Variants in DHX37 observed in about 807,000 individuals in gnomAD.
DHX37 encodes the protein DEAH-box helicase 37.
DHX37 carries 52 observed loss-of-function variants against 134.3 expected under a neutral mutation model. The observed-to-expected ratio is 0.39, with a 90% CI of 0.31 to 0.49. DHX37 has a LOEUF of 0.49. DHX37 is among the 20% of genes least tolerant of loss of function. The pLI is 0.93. For missense variants in DHX37, 1,344 were observed against 1,580.8 expected (o/e 0.85, Z 2.54); for synonymous variants, 634 against 670.7 (o/e 0.95, Z 0.85).
intron 15 of DHX37, among the ~76,000 whole-genome samples, chr12:124,961,344 ACAC>A (rs1223458214): frequency 1.3e-5 from 2 of 152,180 alleles, no homozygotes; most frequent in African/African-American, 4.8e-5. Flanking sequence ...GCACACACAC[ACAC>A]AATTACAGCA....
chr12:124,967,255 C>T (rs1381755601), intron 10 of DHX37, 37 bp from the exon 11 acceptor site: 2 of 1,600,998 alleles, frequency 1.2e-6, no homozygotes, highest in Non-Finnish European at 1.7e-6. Context: ...ATCCATCAGT[C>T]ACTCACAAAC....
intron 15 of DHX37, among the ~76,000 whole-genome samples, chr12:124,961,252 GC>G (rs1954248044): frequency 1.9e-5 from 2 of 106,824 alleles, no homozygotes; most frequent in African/African-American, 1.4e-4. Flanking sequence ...ACGCGTGCAC[GC>G]ACGCACACAC....
intron 18 of DHX37, among the ~76,000 whole-genome samples, chr12:124,955,387 C>T (rs1954071853): frequency 6.6e-6 from 1 of 152,244 alleles, no homozygotes; most frequent in African/African-American, 2.4e-5. Context: ...GAAACTGACA[C>T]CACTTTCTGT....
In DHX37 at chr12:124,956,854, G is replaced by T; in HGVS notation, c.2290C>A (p.Leu764Met). The T allele has an allele frequency of 6.3e-7, 1 of 1,599,668 alleles. No homozygotes were observed. The highest frequency in any genetic ancestry group is 8.5e-7 in the Non-Finnish European group (1 of 1,169,598). ...CCCAGCGCAGTGATGGGGCAGCTCA[G>T]CCGGTTCTCCTGCAGTTGCTTCACC... ...ERVKQLQENR[L>M]SCPITALGRT... Residue 764 changes from leucine (L) to methionine (M), a missense_variant, in exon 18 of 27, where the codon CTG (leucine) becomes ATG (methionine). Leu to Met is a conservative substitution (Grantham distance 15). Coordinates refer to ENST00000308736, the MANE Select transcript of DHX37 (RefSeq NM_032656.4).
chr12:124,951,157 T>C (rs757093883), intron 21 of DHX37, among the ~76,000 whole-genome samples: 39 of 152,104 alleles, frequency 2.6e-4, no homozygotes, highest in Non-Finnish European at 5.0e-4. Flanking sequence ...GGCACACACC[T>C]GTAATCCCAG....
intron 15 of DHX37, among the ~76,000 whole-genome samples, chr12:124,961,230 A>ACACACACACACGCGTGCACGCACG (rs1566332248): frequency 1.8e-5 from 2 of 111,772 alleles, no homozygotes; most frequent in African/African-American, 1.0e-4. Flanking sequence ...ACACGCACGC[A>ACACACACACACGCGTGCACGCACG]CACACACATA....
chr12:124,952,803 G>T lies in DHX37; in HGVS notation c.2696-233C>A, dbSNP rs550104091. 6.2e-5 allele frequency: 23 copies of T among 368,188 alleles called. 1 individual carries two copies. In the East Asian group the frequency reaches 7.9e-4, roughly 13 times the overall value. The allele number at this position is 368,188 out of a possible 1,614,324, so 22.8% of individuals were successfully genotyped here. On this transcript the variant is annotated intron_variant, in intron 20 of 26. Transcript: ENST00000308736. ...CAAAGCCCCACATCCTGCCTGGGCA[G>T]CAGAGCATTCTTCGAGGAGACAGCC...
At position 124,967,686 on chromosome 12, in the gene DHX37, G is replaced by A. The variant is rs141048377; in HGVS notation, c.1409-468C>T. 6.6e-5 allele frequency among the ~76,000 whole-genome samples: 10 copies of A among 152,302 alleles called. No homozygotes were observed. In the South Asian group the frequency reaches 8.3e-4, roughly 13 times the overall value. On this transcript the variant is annotated intron_variant, in intron 10 of 26. Coordinates refer to ENST00000308736, the MANE Select transcript of DHX37 (RefSeq NM_032656.4). ...AGCAACCTCGGCTTCCTTGAAGGACGAGGTCAAGCTTGTTGGGAAGCACCC... is the reference window on the plus strand; with the variant it reads ...AGCAACCTCGGCTTCCTTGAAGGACAAGGTCAAGCTTGTTGGGAAGCACCC...
At chr12:124,986,351 C>T in intron 1 of DHX37, 86 bp from the exon 2 acceptor site, 4 of 1,454,548 alleles carry the variant, frequency 2.7e-6, no homozygotes, top group African/African-American at 1.4e-5. Context: ...TGCATGGGGG[C>T]CTCCTGAGTC....
rs781061528 is a variant in DHX37, at chr12:124,989,052, G to A, written c.-30C>T. 1.3e-5 allele frequency: 17 copies of A among 1,313,780 alleles called. No homozygotes were observed. Among genetic ancestry groups the A allele is most frequent in the Admixed American group, 3.7e-5 (1 of 26,780 alleles). 81.4% of individuals were successfully genotyped at this position (1,313,780 alleles called of 1,614,324 possible). ...ACTAGGCCAGGGTGGGCGCTCCAGC[G>A]GCCGGACCAGCAGAGCAATCCGAAA... On this transcript the variant is annotated 5_prime_UTR_variant, in exon 1 of 27. Transcript: ENST00000308736.
At chr12:124,963,917 G>A (rs10846787) in intron 15 of DHX37, among the ~76,000 whole-genome samples, 31,076 of 145,810 alleles carry the variant, frequency 0.21, 4,258 homozygotes, top group East Asian at 0.57. Flanking sequence ...AACAGTGCGA[G>A]TAGGCCAGGC....
chr12:124,956,623 G>A, intron 18 of DHX37, 68 bp downstream of exon 18: 1 of 1,462,674 alleles, frequency 6.8e-7, no homozygotes, highest in Non-Finnish European at 9.1e-7. Flanking sequence ...TGAGTAGCTG[G>A]GACTCTCAGC....
chr12:124,981,541 C>T (rs995716045), intron 3 of DHX37, among the ~76,000 whole-genome samples: 1 of 151,992 alleles, frequency 6.6e-6, no homozygotes, highest in South Asian at 2.1e-4. Context: ...CTCAGGTGAT[C>T]CTCCCACCTC....
chr12:124,948,007 C>A (rs115234536), intron 26 of DHX37, 77 bp downstream of exon 26: 3 of 1,613,636 alleles, frequency 1.9e-6, no homozygotes, highest in Non-Finnish European at 2.5e-6. Flanking sequence ...CAGGGCTGAC[C>A]GTGCACAAAG....
chr12:124,977,151 T>C (rs550299174), intron 5 of DHX37, among the ~76,000 whole-genome samples, 191 bp downstream of exon 5: 10 of 152,288 alleles, frequency 6.6e-5, no homozygotes, highest in Admixed American at 6.5e-4. Context: ...ACGACAACCT[T>C]GTGAAGTAGG....
At position 124,949,885 on chromosome 12, in the gene DHX37, A is replaced by T; in HGVS notation, c.3290+101T>A. 7.8e-7 allele frequency: 1 copy of T among 1,285,242 alleles called. No individual in the cohort carries two copies. Among genetic ancestry groups the T allele is most frequent in the Non-Finnish European group, 1.1e-6 (1 of 923,962 alleles). The allele number at this position is 1,285,242 out of a possible 1,614,324, so 79.6% of individuals were successfully genotyped here. The stretch of plus-strand genomic sequence containing the variant: ...CCTGAGCACAGACTTCTGATGTTTT[A>T]AGCCTCCCTGTGTGTGGTGCTTTGT... On this transcript the variant is annotated intron_variant, in intron 25 of 26. Coordinates refer to ENST00000308736, the MANE Select transcript of DHX37 (RefSeq NM_032656.4). This position sits in a 1 kb window ranked among gnomAD's most constrained non-coding sequence, Gnocchi z 4.0.
chr12:124,976,265 C>T (rs945117549), intron 5 of DHX37, among the ~76,000 whole-genome samples: 4 of 152,232 alleles, frequency 2.6e-5, no homozygotes, highest in African/African-American at 9.6e-5. Flanking sequence ...CTGCCCTCTG[C>T]TGATCGCGTC....
In DHX37 at chr12:124,968,939, CA is replaced by C; in HGVS notation, c.1220del (p.Met407SerfsTer33). ...AGTCCTCCACCCGCAGCGTGGCCGA[CA>C]TGATGAGCAGCTTGAGTGGCAGGTT... Reference protein sequence around the residue: ...KRNLPLKLLIMSATLRVEDFT... With the variant: ...KRNLPLKLLIXSATLRVEDFT... On this transcript the variant is annotated frameshift_variant, in exon 9 of 27. Coordinates refer to ENST00000308736, the MANE Select transcript of DHX37 (RefSeq NM_032656.4). LOFTEE classifies it high-confidence loss of function. The C allele has an allele frequency of 6.2e-7, 1 of 1,614,122 alleles. No homozygotes were observed. Among genetic ancestry groups the C allele is most frequent in the Non-Finnish European group, 8.5e-7 (1 of 1,180,034 alleles).
chr12:124,964,737 G>A (rs1259431401), intron 14 of DHX37, 111 bp from the exon 15 acceptor site: 3 of 1,516,454 alleles, frequency 2.0e-6, no homozygotes, highest in Non-Finnish European at 2.6e-6. Flanking sequence ...ACGTAGCAAG[G>A]ACAAGCCATC....
Sources: allele counts gnomAD v4.1 joint callset (sites outside exome capture counted in the v4.1 genomes callset), GRCh38; gene constraint gnomAD v4.1.1; non-coding constraint Gnocchi (gnomAD v3.1); transcripts MANE v1.5; gene names NCBI Gene and HGNC (gene_info 2026-07-23, HGNC 2026-07-21).